The following KDM4C variants were observed in gnomAD, a reference collection of about 807,000 sequenced individuals.
KDM4C encodes lysine-specific demethylase 4C.
KDM4C carries 81 observed loss-of-function variants against 129.3 expected under a neutral mutation model. The observed-to-expected ratio is 0.63, with a 90% CI of 0.52 to 0.75. The LOEUF (loss-of-function observed/expected upper bound fraction) is 0.75. Among genes scored for constraint, KDM4C ranks in the 30% least tolerant of loss-of-function variants. The probability of loss-of-function intolerance (pLI) is 0.00; values close to 1 mark genes in which losing one functional copy is unlikely to be tolerated. For missense variants in KDM4C, 1,457 were observed against 1,304.0 expected (o/e 1.12, Z -1.81); for synonymous variants, 573 against 456.1 (o/e 1.26, Z -3.26).
At chr9:7,004,334 G>C (rs913519735) in intron 12 of KDM4C, among the ~76,000 whole-genome samples, 1 of 152,120 alleles carries the variant, frequency 6.6e-6, no homozygotes, top group Admixed American at 6.5e-5. Context: ...ATATTATTTT[G>C]ACAGCAGTTT....
rs149405771 is a variant in KDM4C at position 7,146,690 on chromosome 9, A to C, written c.2781+18454A>C. On this transcript the variant is annotated intron_variant, in intron 19 of 21. Coordinates refer to ENST00000381309, the MANE Select transcript of KDM4C (RefSeq NM_015061.6). ...TCCCTAAAACACGAGATGCTTGAAAATTCCCAGGTAAGTGAGTGACAGCCC... is the reference window on the plus strand; with the variant it reads ...TCCCTAAAACACGAGATGCTTGAAACTTCCCAGGTAAGTGAGTGACAGCCC... 4.1e-3 allele frequency among the ~76,000 whole-genome samples: 620 copies of C among 152,304 alleles called. 2 individuals carry two copies. The highest frequency in any genetic ancestry group is 0.014 in the African/African-American group (564 of 41,568).
intron 1 of KDM4C, among the ~76,000 whole-genome samples, chr9:6,752,332 CAA>C (rs1159747148): frequency 7.9e-3 from 152 of 19,220 alleles, no homozygotes; most frequent in African/African-American, 0.017. Context: ...AACTCCGTCT[CAA>C]AAAAAAAAAA....
intron 17 of KDM4C, among the ~76,000 whole-genome samples, chr9:7,072,643 A>T (rs933080449): frequency 2.0e-5 from 3 of 152,206 alleles, no homozygotes; most frequent in African/African-American, 7.2e-5. Flanking sequence ...ACAAAGGGGC[A>T]CAAAGAATTT....
chr9:6,935,254 A>G (rs1243886209), intron 8 of KDM4C, among the ~76,000 whole-genome samples: 1 of 152,148 alleles, frequency 6.6e-6, no homozygotes, highest in African/African-American at 2.4e-5. Flanking sequence ...TATCCTTGGC[A>G]TGTTCGTAAA....
chr9:7,091,823 G>T (rs533794105), intron 17 of KDM4C, among the ~76,000 whole-genome samples: 1 of 152,318 alleles, frequency 6.6e-6, no homozygotes, highest in Non-Finnish European at 1.5e-5. Flanking sequence ...TGGTGCTGAG[G>T]CAGGCCTGAC....
intron 5 of KDM4C, among the ~76,000 whole-genome samples, chr9:6,862,060 A>C (rs548594185): frequency 4.6e-5 from 7 of 151,964 alleles, no homozygotes; most frequent in African/African-American, 1.7e-4. Flanking sequence ...GTGTGAGCCA[A>C]CGCGCCTGAC....
At chr9:6,760,545 TA>T (rs1819237366) in intron 1 of KDM4C, among the ~76,000 whole-genome samples, 1 of 84,930 alleles carries the variant, frequency 1.2e-5, no homozygotes, top group African/African-American at 4.4e-5. Context: ...TACTCTTTTT[TA>T]TTTATTTATT....
chr9:6,828,557 T>G (rs1264730485), intron 4 of KDM4C, among the ~76,000 whole-genome samples: 2 of 152,096 alleles, frequency 1.3e-5, no homozygotes, highest in African/African-American at 4.8e-5. Context: ...CGTCTGATCT[T>G]CTGTCAGACA....
intron 17 of KDM4C, among the ~76,000 whole-genome samples, chr9:7,084,388 A>G (rs1401750619): frequency 6.6e-6 from 1 of 152,232 alleles, no homozygotes; most frequent in Non-Finnish European, 1.5e-5. Context: ...CTGTGGTGTT[A>G]GAGATGATTG....
At chr9:7,070,027 T>C (rs1587430406) in intron 17 of KDM4C, among the ~76,000 whole-genome samples, 1 of 152,252 alleles carries the variant, frequency 6.6e-6, no homozygotes, top group East Asian at 1.9e-4. Context: ...AAAATAAATT[T>C]AGCTAAATCA....
chr9:6,748,174 A>C (rs1488923732), intron 1 of KDM4C, among the ~76,000 whole-genome samples: 2 of 67,132 alleles, frequency 3.0e-5, no homozygotes, highest in Admixed American at 1.6e-4. Flanking sequence ...TCAAAAAAAA[A>C]ACAAACAAAC....
chr9:6,985,757 C>G (rs1215527773), intron 10 of KDM4C, among the ~76,000 whole-genome samples: 1 of 152,188 alleles, frequency 6.6e-6, no homozygotes, highest in Admixed American at 6.5e-5. Flanking sequence ...GTGGCACAAT[C>G]ATAGCTCCCT....
In KDM4C at chr9:6,772,684, T is replaced by G. The variant is rs142374864; in HGVS notation, c.-18+14481T>G. On this transcript the variant is annotated intron_variant, in intron 1 of 21. Transcript: ENST00000381309. ...CACAGATTATTTTCTTTGATTTTTT[T>G]TCTTTTACTTTTTTTTTTTTTTTTT... Among the ~76,000 whole-genome samples the G allele has an allele frequency of 2.0e-5, 3 of 149,458 alleles. No individual in the cohort carries two copies. The East Asian group carries it at 5.9e-4, about 29-fold the overall frequency.
rs149448562 is a variant in KDM4C at position 6,789,404 on chromosome 9, A to G, written c.-17-3568A>G. Among the ~76,000 whole-genome samples the G allele has an allele frequency of 6.2e-4, 94 of 152,098 alleles. No homozygotes were observed. In the East Asian group the frequency reaches 0.012, roughly 20 times the overall value. ...CCTGGCTAATTTTTGTATTTTTAGTAGAGACGGGGTTTCTCCATGTTGGTC... is the reference window on the plus strand; with the variant it reads ...CCTGGCTAATTTTTGTATTTTTAGTGGAGACGGGGTTTCTCCATGTTGGTC... On this transcript the variant is annotated intron_variant, in intron 1 of 21. Transcript: ENST00000381309.
intron 15 of KDM4C, among the ~76,000 whole-genome samples, chr9:7,016,500 C>T (rs1823719645): frequency 6.7e-6 from 1 of 148,316 alleles, no homozygotes; most frequent in African/African-American, 2.5e-5. Context: ...GAGCTCAGCT[C>T]ATTGCAACCT....
chr9:6,939,972 A>G (rs1168060468), intron 8 of KDM4C, among the ~76,000 whole-genome samples: 8 of 106,552 alleles, frequency 7.5e-5, no homozygotes, highest in Non-Finnish European at 1.4e-4. Context: ...CTACCTACCT[A>G]CCTACCTTCC....
chr9:6,761,234 C>T (rs1334424365), intron 1 of KDM4C, among the ~76,000 whole-genome samples: 1 of 152,000 alleles, frequency 6.6e-6, no homozygotes, highest in Non-Finnish European at 1.5e-5. Context: ...GTCTCGAACT[C>T]CTGACCTCAG....
chr9:7,069,893 A>G (rs555365610), intron 17 of KDM4C, among the ~76,000 whole-genome samples: 1 of 152,344 alleles, frequency 6.6e-6, no homozygotes, highest in African/African-American at 2.4e-5. Flanking sequence ...CTCACACCAG[A>G]TTTGAAGTGC....
chr9:6,944,674 T>TTTTTTTTTA (rs869298486), intron 8 of KDM4C, among the ~76,000 whole-genome samples: 1 of 148,218 alleles, frequency 6.7e-6, no homozygotes, highest in East Asian at 2.0e-4. Context: ...TTTTTTTTTT[T>TTTTTTTTTA]GCCTCTGTGC....
Sources: gnomAD v4.1 joint callset for allele counts (sites outside exome capture counted in the v4.1 genomes callset) on GRCh38, gnomAD v4.1.1 for gene constraint, MANE v1.5 for transcripts, NCBI Gene and HGNC (gene_info 2026-07-23, HGNC 2026-07-21) for gene names.